Variants in KDM4C observed in about 807,000 individuals in gnomAD.
KDM4C encodes the protein lysine-specific demethylase 4C.
KDM4C carries 81 observed loss-of-function variants against 129.3 expected under a neutral mutation model. That is an observed-to-expected ratio of 0.63 (90% confidence interval 0.52 to 0.75). The LOEUF (loss-of-function observed/expected upper bound fraction) is 0.75. KDM4C is among the 30% of genes least tolerant of loss of function. KDM4C has a pLI of 0.00. For missense variants in KDM4C, 1,457 were observed against 1,304.0 expected (o/e 1.12, Z -1.81); for synonymous variants, 573 against 456.1 (o/e 1.26, Z -3.26).
chr9:6,991,783 C>G (rs1290888809), intron 12 of KDM4C, among the ~76,000 whole-genome samples: 1 of 152,156 alleles, frequency 6.6e-6, no homozygotes, highest in African/African-American at 2.4e-5. Context: ...CTCCTGCAGT[C>G]CCAGCTGCCT....
chr9:6,847,070 C>A (rs1273313026), intron 4 of KDM4C, among the ~76,000 whole-genome samples: 1 of 152,106 alleles, frequency 6.6e-6, no homozygotes, highest in Non-Finnish European at 1.5e-5. Flanking sequence ...AGGGATTCAA[C>A]CCTGGTTATT....
intron 5 of KDM4C, among the ~76,000 whole-genome samples, chr9:6,875,540 T>C (rs1032197618): frequency 3.3e-5 from 5 of 152,204 alleles, no homozygotes; most frequent in African/African-American, 1.2e-4. Flanking sequence ...ATGATACTTA[T>C]TTCAGATGTA....
intron 1 of KDM4C, among the ~76,000 whole-genome samples, chr9:6,788,822 C>T (rs1010695608): frequency 1.3e-5 from 2 of 152,058 alleles, no homozygotes; most frequent in African/African-American, 4.8e-5. Flanking sequence ...GTCAGGCAGG[C>T]CTGTTCCAGA....
chr9:6,882,772 TTGTGTGTGTGTGTGTGTG>T (rs3072026), intron 6 of KDM4C, among the ~76,000 whole-genome samples: 1 of 149,642 alleles, frequency 6.7e-6, no homozygotes, highest in African/African-American at 2.5e-5. Flanking sequence ...TTTTAAGCAT[TTGTGTGTGTGTGTGTGTG>T]TGTGTGTGTG....
intron 4 of KDM4C, among the ~76,000 whole-genome samples, chr9:6,830,760 G>A (rs1834680426): frequency 6.6e-6 from 1 of 152,196 alleles, no homozygotes; most frequent in Admixed American, 6.5e-5. Flanking sequence ...ACCTTAGGCT[G>A]TTTTTCTTTA....
intron 15 of KDM4C, among the ~76,000 whole-genome samples, chr9:7,034,008 C>CTT (rs144276405): frequency 7.0e-6 from 1 of 141,938 alleles, no homozygotes. Flanking sequence ...AAATCATGTA[C>CTT]TTTTTTTTTT....
chr9:7,173,463 A>G (rs1208263595), intron 21 of KDM4C, among the ~76,000 whole-genome samples: 2 of 152,214 alleles, frequency 1.3e-5, no homozygotes, highest in Admixed American at 6.5e-5. Flanking sequence ...AAGCAAGGGC[A>G]TATGATCATG....
chr9:7,126,081 A>G (rs777602225), intron 18 of KDM4C, among the ~76,000 whole-genome samples: 3 of 152,236 alleles, frequency 2.0e-5, no homozygotes, highest in Admixed American at 6.5e-5. Context: ...ATATGTGCCA[A>G]TCACTCTGCA....
chr9:6,756,737 G>T (rs959869320), upstream of KDM4C, among the ~76,000 whole-genome samples: 4 of 152,178 alleles, frequency 2.6e-5, no homozygotes, highest in Admixed American at 6.6e-5. Context: ...GTGTCTGTGT[G>T]TGTAGCGGAA....
At chr9:6,910,851 A>G (rs766705345) in intron 8 of KDM4C, among the ~76,000 whole-genome samples, 1 of 152,350 alleles carries the variant, frequency 6.6e-6, no homozygotes, top group African/African-American at 2.4e-5. Context: ...AGATGATGGT[A>G]CATCCAGTCA....
At chr9:7,009,627 C>T (rs1160396796) in intron 12 of KDM4C, among the ~76,000 whole-genome samples, 1 of 152,190 alleles carries the variant, frequency 6.6e-6, no homozygotes, top group African/African-American at 2.4e-5. Context: ...TTACTCTCTA[C>T]TACTTTCGTA....
chr9:7,129,449 G>T (rs1316591346), intron 19 of KDM4C, among the ~76,000 whole-genome samples: 3 of 152,140 alleles, frequency 2.0e-5, no homozygotes, highest in Non-Finnish European at 4.4e-5. Flanking sequence ...GTTCTAGCTG[G>T]AGTTTCCCTT....
chr9:6,899,935 CA>C (rs1290998563), intron 8 of KDM4C, among the ~76,000 whole-genome samples: 7 of 152,328 alleles, frequency 4.6e-5, no homozygotes, highest in African/African-American at 1.7e-4. Context: ...TATAGTTTGT[CA>C]GTACCTTAAA....
chr9:6,832,574 C>T (rs1417582249), intron 4 of KDM4C, among the ~76,000 whole-genome samples: 5 of 147,988 alleles, frequency 3.4e-5, no homozygotes, highest in African/African-American at 9.9e-5. Flanking sequence ...TACAGGCGCC[C>T]GCCACCATGC....
chr9:6,828,517 A>AG (rs1834262536), intron 4 of KDM4C, among the ~76,000 whole-genome samples: 2 of 152,248 alleles, frequency 1.3e-5, no homozygotes, highest in African/African-American at 4.8e-5. Flanking sequence ...AGGTAAGGAA[A>AG]TACTGACCTT....
At chr9:7,149,679 G>A (rs1311454965) in intron 19 of KDM4C, among the ~76,000 whole-genome samples, 1 of 152,248 alleles carries the variant, frequency 6.6e-6, no homozygotes, top group Non-Finnish European at 1.5e-5. Context: ...GTGGTGCCCA[G>A]CACATAGTAA....
chr9:7,068,394 C>A (rs1832730322), intron 17 of KDM4C, among the ~76,000 whole-genome samples: 1 of 152,130 alleles, frequency 6.6e-6, no homozygotes, highest in Non-Finnish European at 1.5e-5. Flanking sequence ...ATTTGATCAC[C>A]TCAATTTTAC....
chr9:6,983,337 A>T (rs1052658214), intron 9 of KDM4C, among the ~76,000 whole-genome samples: 56 of 152,178 alleles, frequency 3.7e-4, no homozygotes, highest in African/African-American at 1.3e-3. Flanking sequence ...TTCATATGTA[A>T]AAAGCATATA....
rs1026405885 is a variant in KDM4C at position 6,931,440 on chromosome 9, A to T, written c.921+38208A>T. ...ATGGCCATCAACTAAACACGCATGC[A>T]TGAAAATTAGTCATTAGTTTTGTTG... On this transcript the variant is annotated intron_variant, in intron 8 of 21. Coordinates refer to ENST00000381309, the MANE Select transcript of KDM4C (RefSeq NM_015061.6). Among the ~76,000 whole-genome samples, 6 of 152,294 alleles carry T rather than the reference A, an allele frequency of 3.9e-5. No homozygotes were observed. The East Asian group carries it at 5.8e-4, about 15-fold the overall frequency.
Sources: allele counts gnomAD v4.1 joint callset (sites outside exome capture counted in the v4.1 genomes callset), GRCh38; gene constraint gnomAD v4.1.1; transcripts MANE v1.5; gene names NCBI Gene and HGNC (gene_info 2026-07-23, HGNC 2026-07-21).